KIF16B: variants seen among roughly 807,000 people sequenced by gnomAD.
KIF16B encodes kinesin family member 16B, also known as kinesin-like protein KIF16B.
KIF16B carries 98 observed loss-of-function variants against 156.3 expected under a neutral mutation model. The observed-to-expected ratio is 0.63, with a 90% CI of 0.53 to 0.74. The LOEUF (loss-of-function observed/expected upper bound fraction) is 0.74. Among genes scored for constraint, KIF16B ranks in the 30% least tolerant of loss-of-function variants. The probability of loss-of-function intolerance (pLI) is 0.00; values close to 1 mark genes in which losing one functional copy is unlikely to be tolerated. For missense variants in KIF16B, 1,421 were observed against 1,606.5 expected, an observed-to-expected ratio of 0.88 and a Z score of 1.97; for synonymous variants, 564 against 583.7, an observed-to-expected ratio of 0.97 and a Z score of 0.49.
At chr20:16,466,804 G>A (rs768515515) in intron 12 of KIF16B, among the ~76,000 whole-genome samples, 4 of 151,632 alleles carry the variant, frequency 2.6e-5, no homozygotes, top group Admixed American at 2.0e-4. Flanking sequence ...CAGTACCAGG[G>A]TAGGAAAACC....
intron 1 of KIF16B, among the ~76,000 whole-genome samples, chr20:16,538,192 A>T (rs1348203372): frequency 6.6e-6 from 1 of 152,160 alleles, no homozygotes; most frequent in Non-Finnish European, 1.5e-5. Context: ...CTTCACATCC[A>T]CACTGAGTCC....
intron 15 of KIF16B, among the ~76,000 whole-genome samples, chr20:16,412,299 G>A (rs533052135): frequency 6.0e-4 from 92 of 152,116 alleles, no homozygotes; most frequent in African/African-American, 2.0e-3. Context: ...GTAGTAGACC[G>A]AGGCCAGAAG....
intron 12 of KIF16B, among the ~76,000 whole-genome samples, chr20:16,487,136 C>T (rs1278276651): frequency 6.6e-6 from 1 of 151,964 alleles, no homozygotes; most frequent in Non-Finnish European, 1.5e-5. Flanking sequence ...GCCTGTATTC[C>T]CAGCTACTTG....
intron 15 of KIF16B, among the ~76,000 whole-genome samples, chr20:16,417,170 G>C (rs1307536774): frequency 6.6e-6 from 1 of 152,176 alleles, no homozygotes; most frequent in Admixed American, 6.5e-5. Flanking sequence ...AAATATGCAG[G>C]AAAGCAACCT....
intron 24 of KIF16B, among the ~76,000 whole-genome samples, chr20:16,326,315 C>A (rs1366883173): frequency 4.6e-5 from 7 of 151,236 alleles, no homozygotes; most frequent in Admixed American, 4.6e-4. Flanking sequence ...CTTAATTAAA[C>A]TAAAAAGCTT....
chr20:16,541,457 C>T (rs1037251483), intron 1 of KIF16B, among the ~76,000 whole-genome samples: 57 of 152,186 alleles, frequency 3.7e-4, no homozygotes, highest in Non-Finnish European at 1.2e-4. Context: ...TACGGAAGTA[C>T]GGATGAGCCA....
intron 24 of KIF16B, among the ~76,000 whole-genome samples, chr20:16,331,106 C>G (rs985465391): frequency 2.0e-5 from 3 of 152,220 alleles, no homozygotes; most frequent in Non-Finnish European, 4.4e-5. Context: ...AGTTGTGAGT[C>G]TGAATGCATA....
intron 23 of KIF16B, among the ~76,000 whole-genome samples, 194 bp downstream of exon 23, chr20:16,356,136 C>G (rs1229489860): frequency 6.6e-6 from 1 of 152,188 alleles, no homozygotes; most frequent in African/African-American, 2.4e-5. Flanking sequence ...TTACTAACAC[C>G]TTCTATGAGG....
At chr20:16,518,735 G>A (rs181426274) in intron 3 of KIF16B, among the ~76,000 whole-genome samples, 34 of 151,918 alleles carry the variant, frequency 2.2e-4, no homozygotes, top group East Asian at 3.9e-4. Context: ...AAATATTAAC[G>A]GTCATCTTAC....
intron 15 of KIF16B, among the ~76,000 whole-genome samples, chr20:16,408,987 G>C (rs75650018): frequency 0.035 from 5,257 of 152,202 alleles, 298 homozygotes; most frequent in African/African-American, 0.12. Flanking sequence ...ATACAGAGTT[G>C]AGCAATTCAG....
chr20:16,334,965 C>G (rs2064010252), intron 24 of KIF16B, among the ~76,000 whole-genome samples: 1 of 152,116 alleles, frequency 6.6e-6, no homozygotes, highest in African/African-American at 2.4e-5. Flanking sequence ...TTCTATACAC[C>G]AGGGAACTAT....
chr20:16,326,457 A>G (rs1013579218), intron 24 of KIF16B, among the ~76,000 whole-genome samples: 3 of 151,842 alleles, frequency 2.0e-5, no homozygotes, highest in South Asian at 2.1e-4. Flanking sequence ...ATCAGCAAAA[A>G]AAAAAGAAAA....
At chr20:16,424,619 A>G (rs1422750928) in intron 15 of KIF16B, among the ~76,000 whole-genome samples, 1 of 152,178 alleles carries the variant, frequency 6.6e-6, no homozygotes, top group Non-Finnish European at 1.5e-5. Flanking sequence ...ATTCTTACAT[A>G]GTTCAGCCCA....
chr20:16,344,708 G>A (rs1222726295), intron 23 of KIF16B, among the ~76,000 whole-genome samples: 1 of 152,128 alleles, frequency 6.6e-6, no homozygotes, highest in African/African-American at 2.4e-5. Context: ...CTACAGGTAT[G>A]CCATTTTAGC....
intron 15 of KIF16B, among the ~76,000 whole-genome samples, chr20:16,412,532 C>T (rs1011113330): frequency 2.6e-5 from 4 of 152,100 alleles, no homozygotes; most frequent in Non-Finnish European, 4.4e-5. Flanking sequence ...GCTGAAGAGA[C>T]CTCAGAAAAC....
intron 12 of KIF16B, among the ~76,000 whole-genome samples, chr20:16,452,462 C>G (rs1176292434): frequency 6.6e-6 from 1 of 151,544 alleles, no homozygotes; most frequent in East Asian, 1.9e-4. Flanking sequence ...AAAAGTATAT[C>G]CACAAAGCTA....
At chr20:16,316,870 A>C (rs927712753) in intron 24 of KIF16B, among the ~76,000 whole-genome samples, 1 of 152,246 alleles carries the variant, frequency 6.6e-6, no homozygotes, top group African/African-American at 2.4e-5. Flanking sequence ...AACACTGGTC[A>C]GGACAAATAA....
intron 17 of KIF16B, 74 bp from the exon 18 acceptor site, chr20:16,381,821 A>T: frequency 3.3e-6 from 4 of 1,225,942 alleles, no homozygotes; most frequent in Non-Finnish European, 4.6e-6. Context: ...CTGTATACAG[A>T]GTCACATATT....
At chr20:16,530,448 A>T (rs1472551932) in intron 1 of KIF16B, among the ~76,000 whole-genome samples, 4 of 152,158 alleles carry the variant, frequency 2.6e-5, no homozygotes, top group African/African-American at 9.6e-5. Context: ...AAAGTCAGGG[A>T]CGACAGAGTG....
Sources: allele counts gnomAD v4.1 joint callset (sites outside exome capture counted in the v4.1 genomes callset), GRCh38; gene constraint gnomAD v4.1.1; transcripts MANE v1.5; gene names NCBI Gene and HGNC (gene_info 2026-07-23, HGNC 2026-07-21).